The following FHAD1 variants were observed in gnomAD, a reference collection of about 807,000 sequenced individuals.
The protein encoded by FHAD1 is forkhead associated phosphopeptide binding domain 1.
FHAD1 carries 146 observed loss-of-function variants against 191.3 expected under a neutral mutation model. The ratio of observed to expected loss-of-function variants is 0.76; its 90% confidence interval spans 0.67 to 0.88. The LOEUF (loss-of-function observed/expected upper bound fraction) is 0.88, where lower values mean the gene tolerates loss of function less well. Among genes scored for constraint, FHAD1 ranks in the 40% least tolerant of loss-of-function variants. The probability of loss-of-function intolerance (pLI) is 0.00; values close to 1 mark genes in which losing one functional copy is unlikely to be tolerated. For missense variants in FHAD1, 1,635 were observed against 1,785.8 expected (o/e 0.92, Z 1.52); for synonymous variants, 616 against 672.3 (o/e 0.92, Z 1.29).
chr1:15,252,940 G>A (rs527374939), intron 2 of FHAD1, among the ~76,000 whole-genome samples: 7 of 152,312 alleles, frequency 4.6e-5, no homozygotes, highest in East Asian at 1.9e-4. Context: ...AAAAAATGCC[G>A]TGGAATCTCT....
At chr1:15,369,555 G>C in intron 26 of FHAD1, 53 bp downstream of exon 26, 1 of 1,524,252 alleles carries the variant, frequency 6.6e-7, no homozygotes, top group South Asian at 1.2e-5. Context: ...ACACAGCCCA[G>C]TGGTGGCTGT....
intron 15 of FHAD1, among the ~76,000 whole-genome samples, chr1:15,340,374 G>A (rs1686070469): frequency 6.6e-6 from 1 of 152,198 alleles, no homozygotes; most frequent in Non-Finnish European, 1.5e-5. Flanking sequence ...AGGCGGCTCT[G>A]CTGACCTTGG....
Position 15,336,297 on chromosome 1 carries a change from A to G in FHAD1, c.1907-3184A>G, listed in dbSNP as rs575349128. ...TCTTGGCATAGCACTGGCACGCACC[A>G]GGTCTGCTATTATTATAATATTGCT... On this transcript the variant is annotated intron_variant, in intron 14 of 33. Transcript: ENST00000688493. Among the ~76,000 whole-genome samples, 347 of 152,090 alleles carry G rather than the reference A, an allele frequency of 2.3e-3. 3 individuals are homozygous for G. Among genetic ancestry groups the G allele is most frequent in the African/African-American group, 7.8e-3 (324 of 41,338 alleles).
chr1:15,341,954 T>A, intron 16 of FHAD1, 66 bp downstream of exon 16: 1 of 1,440,502 alleles, frequency 6.9e-7, no homozygotes. Context: ...CTATGGGAAA[T>A]TGAGGGCATG....
At chr1:15,301,498 A>G in intron 6 of FHAD1, 57 bp downstream of exon 6, 1 of 1,483,662 alleles carries the variant, frequency 6.7e-7, no homozygotes, top group Non-Finnish European at 9.1e-7. Context: ...GGGAGGCCCC[A>G]GGACCACCAA....
At chr1:15,402,849 A>G (rs916511894), downstream of FHAD1, 5 of 152,226 alleles carry the variant, frequency 3.3e-5, no homozygotes, top group Non-Finnish European at 5.9e-5. Flanking sequence ...GGGCAGGATG[A>G]CAGACTTTTT....
intron 18 of FHAD1, among the ~76,000 whole-genome samples, chr1:15,347,846 G>A (rs929863683): frequency 3.3e-5 from 5 of 152,206 alleles, no homozygotes; most frequent in African/African-American, 1.2e-4. Context: ...CATGTTCAAA[G>A]TTAATCCCCA....
At chr1:15,371,921 C>T (rs1445726444) in intron 26 of FHAD1, among the ~76,000 whole-genome samples, 3 of 152,220 alleles carry the variant, frequency 2.0e-5, no homozygotes, top group African/African-American at 7.2e-5. Flanking sequence ...TTCTGACAGG[C>T]TCTGTATTTA....
intron 5 of FHAD1, among the ~76,000 whole-genome samples, chr1:15,300,682 A>G (rs996447753): frequency 6.6e-5 from 10 of 152,204 alleles, no homozygotes; most frequent in Non-Finnish European, 1.3e-4. Context: ...CTGTCGCTCT[A>G]AGGTATACAC....
At chr1:15,259,046 G>T (rs574504904) in intron 2 of FHAD1, among the ~76,000 whole-genome samples, 1 of 152,292 alleles carries the variant, frequency 6.6e-6, no homozygotes, top group African/African-American at 2.4e-5. Context: ...GTGCATAAGG[G>T]CTCCAGTCTC....
intron 9 of FHAD1, among the ~76,000 whole-genome samples, chr1:15,317,181 ACT>A (rs1195070993): frequency 5.9e-5 from 9 of 152,164 alleles, no homozygotes; most frequent in African/African-American, 1.7e-4. Context: ...ACAGAGCGAG[ACT>A]CTGTCTCAAA....
At chr1:15,271,065 G>A (rs982954699) in intron 2 of FHAD1, among the ~76,000 whole-genome samples, 4 of 150,404 alleles carry the variant, frequency 2.7e-5, no homozygotes, top group Admixed American at 1.3e-4. Flanking sequence ...CGTGAACCCG[G>A]GAGGCAGAGC....
chr1:15,281,780 A>C lies in FHAD1; in HGVS notation c.301-7619A>C, dbSNP rs983636546. Among the ~76,000 whole-genome samples the C allele has an allele frequency of 1.7e-4, 26 of 151,286 alleles. 1 individual carries two copies. Among genetic ancestry groups the C allele is most frequent in the Admixed American group, 1.3e-3 (19 of 15,196 alleles). On this transcript the variant is annotated intron_variant, in intron 3 of 33. Coordinates refer to ENST00000688493, the MANE Select transcript of FHAD1 (RefSeq NM_001391957.1). ...TGTCTCAAAAAAAAAAAAAAAAAAA[A>C]AAAAGGAGAGGGGAGGAAGGGGGCA...
At chr1:15,323,080 C>G (rs895811430) in intron 10 of FHAD1, among the ~76,000 whole-genome samples, 2 of 152,180 alleles carry the variant, frequency 1.3e-5, no homozygotes, top group Non-Finnish European at 2.9e-5. Flanking sequence ...AAGTCCGGCC[C>G]CCATGATTCA....
intron 33 of FHAD1, among the ~76,000 whole-genome samples, chr1:15,394,775 G>A (rs1020471698): frequency 6.6e-6 from 1 of 152,138 alleles, no homozygotes; most frequent in East Asian, 1.9e-4. Flanking sequence ...GCTGAAACGC[G>A]ACTAGCCACC....
intron 3 of FHAD1, among the ~76,000 whole-genome samples, chr1:15,283,657 G>A (rs771490061): frequency 1.3e-5 from 2 of 152,104 alleles, no homozygotes; most frequent in Non-Finnish European, 2.9e-5. Flanking sequence ...GCTCTCCTCT[G>A]GCACAGCAGT....
intron 6 of FHAD1, among the ~76,000 whole-genome samples, chr1:15,307,845 C>T (rs34480412): frequency 0.02 from 3,053 of 152,162 alleles, 97 homozygotes; most frequent in African/African-American, 0.07. Context: ...ATTCTCCTGC[C>T]TCAGCCTCCC....
Position 15,362,527 on chromosome 1 carries a change from G to A in FHAD1, c.2963-115G>A. 3.8e-6 allele frequency: 3 copies of A among 793,670 alleles called. No homozygotes were observed. The South Asian group carries it at 4.7e-5, about 12-fold the overall frequency. The allele number at this position is 793,670 out of a possible 1,614,324, so 49.2% of individuals were successfully genotyped here. A position where few individuals can be genotyped will look rare whatever the true frequency, so the allele number is the denominator to read the frequency against. On this transcript the variant is annotated intron_variant, in intron 22 of 33. Coordinates refer to ENST00000688493, the MANE Select transcript of FHAD1 (RefSeq NM_001391957.1). ...GGCACACGTGCAGGTCTCACAAGGT[G>A]GAGAGGGCTGCAGGTGGAGGCAGGG...
chr1:15,239,377 A>G (rs1044027769), intron 1 of FHAD1, among the ~76,000 whole-genome samples: 13 of 152,082 alleles, frequency 8.5e-5, no homozygotes, highest in African/African-American at 2.7e-4. Context: ...ACTTGAGGTC[A>G]GGAGTTTGAG....
Sources: allele counts gnomAD v4.1 joint callset (sites outside exome capture counted in the v4.1 genomes callset), GRCh38; gene constraint gnomAD v4.1.1; transcripts MANE v1.5; gene names NCBI Gene and HGNC (gene_info 2026-07-23, HGNC 2026-07-21).